Variants in DPYSL2 observed in about 807,000 individuals in gnomAD.
The protein encoded by DPYSL2 is dihydropyrimidinase-related protein 2.
A neutral mutation model predicts 69.9 loss-of-function variants in DPYSL2; 13 were observed. That is an observed-to-expected ratio of 0.19 (90% CI 0.12 to 0.30). DPYSL2 has a LOEUF of 0.30. DPYSL2 is among the 10% of genes least tolerant of loss of function. DPYSL2 has a pLI of 1.00. For synonymous variants in DPYSL2, 326 were observed against 359.1 expected, an observed-to-expected ratio of 0.91 and a Z score of 1.04; for missense variants, 587 against 918.9, an observed-to-expected ratio of 0.64 and a Z score of 4.67.
intron 1 of DPYSL2, among the ~76,000 whole-genome samples, chr8:26,534,595 A>G (rs1800561944): frequency 6.6e-6 from 1 of 152,084 alleles, no homozygotes; most frequent in African/African-American, 2.4e-5. Flanking sequence ...CTTTTATCAA[A>G]TGAAAATATA....
rs1356152350 is a variant in DPYSL2, at chr8:26,556,262, TATA to T, written c.355-25706_355-25704del. Among the ~76,000 whole-genome samples, 6 of 4,438 alleles carry T rather than the reference TATA, an allele frequency of 1.4e-3. 2 individuals carry two copies. The highest frequency in any genetic ancestry group is 2.9e-3 in the African/African-American group (6 of 2,072). The allele number at this position is 4,438 out of a possible 152,430, so 2.9% of individuals were successfully genotyped here. A position where few individuals can be genotyped will look rare whatever the true frequency, so the allele number is the denominator to read the frequency against. On this transcript the variant is annotated intron_variant, in intron 1 of 13. Coordinates refer to ENST00000521913, the MANE Select transcript of DPYSL2 (RefSeq NM_001197293.3). ...TATAATATATATAGTATATATATAC[TATA>T]GTATATATAGTATTTATATAATATA...
Position 26,609,054 on chromosome 8 carries a change from C to T in DPYSL2, c.629-15089C>T, listed in dbSNP as rs527924721. On this transcript the variant is annotated intron_variant, in intron 3 of 13. Transcript: ENST00000521913. The surrounding 1 kb of genome is among the most constrained non-coding windows in gnomAD (Gnocchi z 6.5). ...TGGGACTGTTGCTGCAGCTTTTGTA[C>T]AAGGGTGGAGTGGGTGTCCATTTGC... Among the ~76,000 whole-genome samples the T allele has an allele frequency of 1.8e-4, 27 of 152,288 alleles. 1 individual carries two copies. Among genetic ancestry groups the T allele is most frequent in the African/African-American group, 6.5e-4 (27 of 41,554 alleles).
At chr8:26,537,774 C>T (rs1800618538) in intron 1 of DPYSL2, among the ~76,000 whole-genome samples, 1 of 152,200 alleles carries the variant, frequency 6.6e-6, no homozygotes, top group Non-Finnish European at 1.5e-5. Flanking sequence ...AGAAAATTCA[C>T]ATTGATACAA....
chr8:26,599,507 GAA>G (rs1337731505), intron 3 of DPYSL2, among the ~76,000 whole-genome samples: 1 of 151,958 alleles, frequency 6.6e-6, no homozygotes, highest in Non-Finnish European at 1.5e-5. Flanking sequence ...TTCAAAGAAA[GAA>G]AATTTCTGAG....
rs936702650 is a variant in DPYSL2 at position 26,533,438 on chromosome 8, C to G, written c.354+18759C>G. On this transcript the variant is annotated intron_variant, in intron 1 of 13. Transcript: ENST00000521913. The surrounding 1 kb of genome is among the most constrained non-coding windows in gnomAD (Gnocchi z 4.8). ...GGTATCCTATTTAAGAGCGTATTTCCTATTCCAAGGTCACAAAGACTTACC... is the reference window on the plus strand; with the variant it reads ...GGTATCCTATTTAAGAGCGTATTTCGTATTCCAAGGTCACAAAGACTTACC... Among the ~76,000 whole-genome samples the G allele has an allele frequency of 2.0e-5, 3 of 152,122 alleles. No individual in the cohort carries two copies. Among genetic ancestry groups the G allele is most frequent in the African/African-American group, 7.2e-5 (3 of 41,426 alleles).
In DPYSL2 at chr8:26,582,266, G is replaced by A. The variant is rs1266473481; in HGVS notation, c.443+209G>A. On this transcript the variant is annotated intron_variant, in intron 2 of 13. Transcript: ENST00000521913. The surrounding 1 kb of genome is among the most constrained non-coding windows in gnomAD (Gnocchi z 4.1). ...TCAAAGCAACAATTAATGTACACCC[G>A]TTGCATTAGGTATTATGTAATTTAC... 6.6e-6 allele frequency among the ~76,000 whole-genome samples: 1 copy of A among 152,190 alleles called. No individual in the cohort carries two copies.
chr8:26,542,587 A>G (rs1800703376), intron 1 of DPYSL2, among the ~76,000 whole-genome samples: 1 of 151,934 alleles, frequency 6.6e-6, no homozygotes, highest in Admixed American at 6.6e-5. Context: ...GTGCCCAACT[A>G]TTACAATTTT....
chr8:26,613,320 C>T (rs773788981), intron 3 of DPYSL2, among the ~76,000 whole-genome samples: 15 of 152,340 alleles, frequency 9.8e-5, no homozygotes, highest in South Asian at 6.2e-4. Context: ...TCCTGGCCTC[C>T]CAGGGTCCTC....
At chr8:26,611,211 C>T (rs978388734) in intron 3 of DPYSL2, among the ~76,000 whole-genome samples, 1 of 152,244 alleles carries the variant, frequency 6.6e-6, no homozygotes, top group Non-Finnish European at 1.5e-5. Context: ...GCTTTCTGTC[C>T]TGTCCTTGTT....
At chr8:26,618,481 G>GTTTTTT (rs11287159) in intron 3 of DPYSL2, among the ~76,000 whole-genome samples, 1 of 94,190 alleles carries the variant, frequency 1.1e-5, no homozygotes, top group Non-Finnish European at 2.1e-5. Context: ...CCCGGGTAAT[G>GTTTTTT]TTTTTTTTTT....
chr8:26,545,935 G>T (rs939349986), intron 1 of DPYSL2, among the ~76,000 whole-genome samples: 5 of 152,136 alleles, frequency 3.3e-5, no homozygotes, highest in Non-Finnish European at 5.9e-5. Flanking sequence ...TATCTGACTT[G>T]TTCTACTCCT....
At chr8:26,630,264 G>A (rs1802738936) in intron 7 of DPYSL2, among the ~76,000 whole-genome samples, 1 of 152,224 alleles carries the variant, frequency 6.6e-6, no homozygotes, top group Admixed American at 6.5e-5. Flanking sequence ...CTCTGGGCCG[G>A]CTTCTGTGAC....
At chr8:26,579,806 G>A (rs906927192) in intron 1 of DPYSL2, among the ~76,000 whole-genome samples, 1 of 151,964 alleles carries the variant, frequency 6.6e-6, no homozygotes, top group Non-Finnish European at 1.5e-5. Context: ...GGGGAGGGAG[G>A]ATGGAAAGCA....
rs1246549000 is a variant in DPYSL2 at position 26,533,112 on chromosome 8, T to C, written c.354+18433T>C. 6.6e-6 allele frequency among the ~76,000 whole-genome samples: 1 copy of C among 152,214 alleles called. No individual in the cohort carries two copies. Among genetic ancestry groups the C allele is most frequent in the Non-Finnish European group, 1.5e-5 (1 of 68,020 alleles). ...CAGTATCTCTTGTGGCTTTGGTTTG[T>C]ATTTCCCTGATGACTTGATGCCATT... On this transcript the variant is annotated intron_variant, in intron 1 of 13. Transcript: ENST00000521913. This position sits in a 1 kb window ranked among gnomAD's most constrained non-coding sequence, Gnocchi z 4.8.
rs930794975 is a variant in DPYSL2 at position 26,577,999 on chromosome 8, C to G, written c.355-3970C>G. ...CTCCTGTTTCTCTCTCTCCTTCTCT[C>G]TCTCTCTCTCTCTCTCTCTTTTTTT... is the stretch of plus-strand genomic sequence containing the variant. On this transcript the variant is annotated intron_variant, in intron 1 of 13. Coordinates refer to ENST00000521913, the MANE Select transcript of DPYSL2 (RefSeq NM_001197293.3). 3 of 1,190,926 alleles carry G rather than the reference C, an allele frequency of 2.5e-6. No homozygotes were observed. In the African/African-American group the frequency reaches 4.6e-5, roughly 18 times the overall value. 73.8% of individuals were successfully genotyped at this position (1,190,926 alleles called of 1,614,324 possible). A position where few individuals can be genotyped will look rare whatever the true frequency, so the allele number is the denominator to read the frequency against.
chr8:26,573,870 A>G (rs1162792677), intron 1 of DPYSL2, among the ~76,000 whole-genome samples: 2 of 141,884 alleles, frequency 1.4e-5, no homozygotes, highest in Admixed American at 7.5e-5. Flanking sequence ...GATAGTCCTA[A>G]GGGAAAGGCT....
At chr8:26,543,557 G>A (rs1423646841) in intron 1 of DPYSL2, among the ~76,000 whole-genome samples, 1 of 150,074 alleles carries the variant, frequency 6.7e-6, no homozygotes, top group Non-Finnish European at 1.5e-5. Flanking sequence ...GCAGGACCTT[G>A]GCTCACTACA....
intron 1 of DPYSL2, among the ~76,000 whole-genome samples, chr8:26,546,981 T>C (rs1215414057): frequency 1.3e-5 from 1 of 74,142 alleles, no homozygotes. Context: ...AAACTGAAAA[T>C]CAACAACTCT....
rs900559629 is a variant in DPYSL2 at position 26,644,699 on chromosome 8, C to A, written c.1425+608C>A. ...TGACTCTGGGTCAGTCAGGAACAAACTTCCTTAGCAACCAGGTGACTTACT... is the reference window on the plus strand; with the variant it reads ...TGACTCTGGGTCAGTCAGGAACAAAATTCCTTAGCAACCAGGTGACTTACT... On this transcript the variant is annotated intron_variant, in intron 10 of 13. Transcript: ENST00000521913. The surrounding 1 kb of genome is among the most constrained non-coding windows in gnomAD (Gnocchi z 4.5). Among the ~76,000 whole-genome samples the A allele has an allele frequency of 7.9e-5, 12 of 152,248 alleles. No individual in the cohort carries two copies. The South Asian group carries it at 2.5e-3, about 32-fold the overall frequency.
Sources: allele counts gnomAD v4.1 joint callset (sites outside exome capture counted in the v4.1 genomes callset), GRCh38; gene constraint gnomAD v4.1.1; non-coding constraint Gnocchi (gnomAD v3.1); transcripts MANE v1.5; gene names NCBI Gene and HGNC (gene_info 2026-07-23, HGNC 2026-07-21).